Variants in DPYD observed in about 807,000 individuals in gnomAD.
The protein encoded by DPYD is dihydropyrimidine dehydrogenase, also known as dihydropyrimidine dehydrogenase [NADP(+)].
DPYD carries 109 observed loss-of-function variants against 116.2 expected under a neutral mutation model. That is an observed-to-expected ratio of 0.94 (90% CI 0.80 to 1.10). DPYD has a LOEUF of 1.10. Ranked by LOEUF, DPYD falls within the 50% of genes least tolerant of loss-of-function variation. The probability of loss-of-function intolerance (pLI) is 0.00; values close to 1 mark genes in which losing one functional copy is unlikely to be tolerated. For missense variants in DPYD, 1,302 were observed against 1,254.5 expected (o/e 1.04, Z -0.57); for synonymous variants, 440 against 432.0 (o/e 1.02, Z -0.23).
At chr1:97,446,402 T>C (rs1174291315) in intron 14 of DPYD, among the ~76,000 whole-genome samples, 1 of 152,192 alleles carries the variant, frequency 6.6e-6, no homozygotes, top group African/African-American at 2.4e-5. Context: ...TTAGAGGCTA[T>C]TTGTCAGTAA....
chr1:97,811,819 AT>A (rs1668362625), intron 3 of DPYD, among the ~76,000 whole-genome samples: 1 of 152,158 alleles, frequency 6.6e-6, no homozygotes, highest in Non-Finnish European at 1.5e-5. Context: ...AATAGTTCTT[AT>A]AAAGCCTAAT....
chr1:97,812,790 T>G (rs988689256), intron 3 of DPYD, among the ~76,000 whole-genome samples: 2 of 152,134 alleles, frequency 1.3e-5, no homozygotes, highest in African/African-American at 4.8e-5. Flanking sequence ...ATATTAATTA[T>G]AGGTTTCAAA....
At chr1:97,667,493 A>C (rs1473052436) in intron 8 of DPYD, among the ~76,000 whole-genome samples, 1 of 152,282 alleles carries the variant, frequency 6.6e-6, no homozygotes, top group African/African-American at 2.4e-5. Context: ...AATGAAAAGC[A>C]AATGAAAAAT....
At chr1:97,398,215 C>G (rs577063371) in intron 14 of DPYD, among the ~76,000 whole-genome samples, 1 of 151,978 alleles carries the variant, frequency 6.6e-6, no homozygotes, top group African/African-American at 2.4e-5. Flanking sequence ...TCTGTCCTTG[C>G]GATAGTGTGC....
At chr1:97,904,090 G>T (rs550110519) in intron 1 of DPYD, among the ~76,000 whole-genome samples, 1 of 151,780 alleles carries the variant, frequency 6.6e-6, no homozygotes, top group African/African-American at 2.4e-5. Context: ...TACACATCAG[G>T]ATGTCCCTTC....
At chr1:97,694,863 G>T (rs1661209615) in intron 6 of DPYD, among the ~76,000 whole-genome samples, 1 of 152,048 alleles carries the variant, frequency 6.6e-6, no homozygotes. Flanking sequence ...AAAATTCTCT[G>T]GTGAGTCTAA....
At chr1:97,570,450 C>T (rs537913368) in intron 11 of DPYD, among the ~76,000 whole-genome samples, 34 of 151,832 alleles carry the variant, frequency 2.2e-4, no homozygotes, top group Admixed American at 7.9e-4. Flanking sequence ...TGGATGCTGG[C>T]AGGAATAATT....
At chr1:97,777,405 A>G (rs754846255) in intron 3 of DPYD, among the ~76,000 whole-genome samples, 3 of 152,202 alleles carry the variant, frequency 2.0e-5, no homozygotes, top group Non-Finnish European at 4.4e-5. Flanking sequence ...TTCCCTTTGA[A>G]AATCTACTGT....
At chr1:97,338,243 C>G (rs943950431) in intron 16 of DPYD, among the ~76,000 whole-genome samples, 2 of 152,118 alleles carry the variant, frequency 1.3e-5, no homozygotes, top group Non-Finnish European at 2.9e-5. Context: ...TACGGTAAAA[C>G]CTTTACACTT....
At position 97,704,522 on chromosome 1, in the gene DPYD, GAATATTTTTCAAAAAT is replaced by G. The variant is rs1195885155; in HGVS notation, c.484-4991_484-4976del. Among the ~76,000 whole-genome samples, 9 of 151,804 alleles carry G rather than the reference GAATATTTTTCAAAAAT, an allele frequency of 5.9e-5. No homozygotes were observed. In the East Asian group the frequency reaches 1.5e-3, roughly 26 times the overall value. ...AATTTAAAATGTCCATAAATACGAA[GAATATTTTTCAAAAAT>G]AATATTTTTCATTCCTTTTATTAAA... On this transcript the variant is annotated intron_variant, in intron 5 of 22. Transcript: ENST00000370192.
intron 3 of DPYD, among the ~76,000 whole-genome samples, chr1:97,820,286 C>T (rs1668855049): frequency 6.6e-6 from 1 of 152,044 alleles, no homozygotes; most frequent in African/African-American, 2.4e-5. Context: ...ATACATTAGG[C>T]TAATACACAC....
chr1:97,813,840 G>T (rs1668442297), intron 3 of DPYD, among the ~76,000 whole-genome samples: 1 of 151,406 alleles, frequency 6.6e-6, no homozygotes, highest in African/African-American at 2.4e-5. Flanking sequence ...TTCCTTTAAT[G>T]AAGCTTTCTC....
Position 97,381,179 on chromosome 1 carries a change from G to C in DPYD, c.1974+1214C>G, listed in dbSNP as rs187163899. On this transcript the variant is annotated intron_variant, in intron 15 of 22. Transcript: ENST00000370192. ...TCTTTTTATTTATGTTTTTGCTACAGAGTAATTAGAAGGTGATATTAAATA... is the reference window on the plus strand; with the variant it reads ...TCTTTTTATTTATGTTTTTGCTACACAGTAATTAGAAGGTGATATTAAATA... Among the ~76,000 whole-genome samples, 13 of 151,180 alleles carry C rather than the reference G, an allele frequency of 8.6e-5. No individual in the cohort carries two copies. The East Asian group carries it at 2.3e-3, about 27-fold the overall frequency.
chr1:97,176,967 G>A (rs1657325861), intron 20 of DPYD, among the ~76,000 whole-genome samples: 1 of 151,344 alleles, frequency 6.6e-6, no homozygotes, highest in African/African-American at 2.4e-5. Context: ...TTTATCTCCA[G>A]GCCTTTGCCA....
intron 2 of DPYD, among the ~76,000 whole-genome samples, chr1:97,845,485 G>A (rs561374177): frequency 2.0e-5 from 3 of 152,238 alleles, no homozygotes; most frequent in East Asian, 1.9e-4. Flanking sequence ...TCATTAGGAC[G>A]ACCTGCCTGT....
chr1:97,881,648 A>G (rs1335226060), intron 2 of DPYD, among the ~76,000 whole-genome samples: 1 of 152,056 alleles, frequency 6.6e-6, no homozygotes, highest in Non-Finnish European at 1.5e-5. Context: ...TCCATAAAAT[A>G]ACAACAACAG....
At chr1:97,640,805 G>A (rs1218854912) in intron 8 of DPYD, among the ~76,000 whole-genome samples, 9 of 151,550 alleles carry the variant, frequency 5.9e-5, no homozygotes, top group Non-Finnish European at 1.3e-4. Context: ...TCCCCTGGGT[G>A]AAAAAAAATG....
At chr1:97,262,376 T>C (rs1454037833) in intron 18 of DPYD, among the ~76,000 whole-genome samples, 10 of 152,062 alleles carry the variant, frequency 6.6e-5, no homozygotes, top group Admixed American at 5.3e-4. Context: ...ATGCTCCACA[T>C]AGGGTTGAAC....
intron 19 of DPYD, among the ~76,000 whole-genome samples, chr1:97,206,641 T>TAC (rs1659625246): frequency 1.5e-4 from 2 of 13,118 alleles, no homozygotes; most frequent in East Asian, 0.048. Context: ...GGAGATTTTA[T>TAC]ATATATATAT....
Sources: gnomAD v4.1 joint callset for allele counts (sites outside exome capture counted in the v4.1 genomes callset) on GRCh38, gnomAD v4.1.1 for gene constraint, MANE v1.5 for transcripts, NCBI Gene and HGNC (gene_info 2026-07-23, HGNC 2026-07-21) for gene names.